Variants in CSMD1 observed in about 807,000 individuals in gnomAD.
CSMD1 encodes the protein CUB and Sushi multiple domains 1, also known as CUB and sushi domain-containing protein 1.
CSMD1 carries 213 observed loss-of-function variants against 417.5 expected under a neutral mutation model. That is an observed-to-expected ratio of 0.51 (90% CI 0.46 to 0.57). The LOEUF (loss-of-function observed/expected upper bound fraction) is 0.57, where lower values mean the gene tolerates loss of function less well. CSMD1 is among the 20% of genes least tolerant of loss of function. CSMD1 has a pLI of 0.00. For synonymous variants in CSMD1, 2,862 were observed against 1,736.8 expected (o/e 1.65, Z -16.11); for missense variants, 6,923 against 4,529.7 (o/e 1.53, Z -15.17).
At chr8:4,020,013 G>A (rs980649594) in intron 4 of CSMD1, among the ~76,000 whole-genome samples, 4 of 151,900 alleles carry the variant, frequency 2.6e-5, no homozygotes, top group African/African-American at 9.7e-5. Flanking sequence ...TTCCGCTCTG[G>A]GCACTTAGTT....
rs112964620 is a variant in CSMD1, at chr8:3,490,531, G to A, written c.1448+3092C>T. Among the ~76,000 whole-genome samples, 19 of 152,214 alleles carry A rather than the reference G, an allele frequency of 1.2e-4. 1 individual carries two copies. Among genetic ancestry groups the A allele is most frequent in the African/African-American group, 3.4e-4 (14 of 41,518 alleles). On this transcript the variant is annotated intron_variant, in intron 11 of 69. Coordinates refer to ENST00000635120, the MANE Select transcript of CSMD1 (RefSeq NM_033225.6). ...AGGTGTTTTGGTAATAATAATACGT[G>A]TGGGTTACATTTTTCAGCTCTCCGG...
At chr8:3,904,231 A>G (rs1194788287) in intron 5 of CSMD1, among the ~76,000 whole-genome samples, 1 of 152,176 alleles carries the variant, frequency 6.6e-6, no homozygotes, top group Non-Finnish European at 1.5e-5. Flanking sequence ...TCAGGAGCTG[A>G]GTTAGGGTAG....
chr8:4,115,638 G>A (rs1379269950), intron 3 of CSMD1, among the ~76,000 whole-genome samples: 1 of 152,216 alleles, frequency 6.6e-6, no homozygotes, highest in East Asian at 1.9e-4. Context: ...TTACCTGAAT[G>A]TTTATATGTG....
intron 2 of CSMD1, among the ~76,000 whole-genome samples, chr8:4,613,943 T>A (rs1275244694): frequency 6.6e-6 from 1 of 152,058 alleles, no homozygotes; most frequent in African/African-American, 2.4e-5. Flanking sequence ...AGTTTTCTTT[T>A]GTATTGTGAA....
chr8:3,760,411 C>T (rs1797928021), intron 5 of CSMD1, among the ~76,000 whole-genome samples: 1 of 152,200 alleles, frequency 6.6e-6, no homozygotes, highest in Non-Finnish European at 1.5e-5. Context: ...ACGACGACCT[C>T]CTTTGAGCTT....
chr8:4,815,219 A>G, intron 1 of CSMD1, among the ~76,000 whole-genome samples: 1 of 152,078 alleles, frequency 6.6e-6, no homozygotes, highest in South Asian at 2.1e-4. Context: ...TTGTGGTTTC[A>G]TCAAATGATT....
At chr8:4,295,318 T>C (rs954710973) in intron 3 of CSMD1, among the ~76,000 whole-genome samples, 14 of 113,122 alleles carry the variant, frequency 1.2e-4, no homozygotes, top group African/African-American at 3.8e-4. Flanking sequence ...AATCTTAAGA[T>C]TATGCACATA....
intron 50 of CSMD1, among the ~76,000 whole-genome samples, chr8:3,030,818 G>C (rs1055457003): frequency 3.9e-5 from 6 of 152,032 alleles, no homozygotes; most frequent in Non-Finnish European, 8.8e-5. Context: ...TATTAGAATT[G>C]AGTCAGGCAT....
intron 4 of CSMD1, among the ~76,000 whole-genome samples, chr8:4,016,329 C>G (rs571547125): frequency 2.0e-4 from 31 of 152,244 alleles, no homozygotes; most frequent in African/African-American, 7.2e-4. Context: ...TAACTACTGA[C>G]CAACTGACTC....
chr8:3,096,986 C>G lies in CSMD1; in HGVS notation c.7001G>C (p.Ser2334Thr). The change falls in exon 47 of 70, where the codon AGT becomes ACT. Residue 2334 changes from serine to threonine, a missense_variant. Coordinates refer to ENST00000635120, the MANE Select transcript of CSMD1 (RefSeq NM_033225.6). ...AAAATAATTACCCGGATACCCTGGA[C>G]TGAGAATGACTCCCGATGATCCAGT... ...VRTGSSGVIL[S>T]PGYPGNYFNS... 6.4e-7 allele frequency: 1 copy of G among 1,555,966 alleles called. No individual in the cohort carries two copies. Among genetic ancestry groups the G allele is most frequent in the Non-Finnish European group, 8.7e-7 (1 of 1,148,910 alleles).
rs374432934 is a variant in CSMD1, at chr8:3,768,253, A to G, written c.819-14211T>C. 1.5e-4 allele frequency among the ~76,000 whole-genome samples: 23 copies of G among 152,296 alleles called. No individual in the cohort carries two copies. In the South Asian group the frequency reaches 4.8e-3, roughly 32 times the overall value. Reference sequence around the variant, plus strand: ...GCCAATGGCAACAAGGCGGAGACGTATTCCCGGGCCAAGTGAATATCATGA... The same window carrying G: ...GCCAATGGCAACAAGGCGGAGACGTGTTCCCGGGCCAAGTGAATATCATGA... On this transcript the variant is annotated intron_variant, in intron 5 of 69. Transcript: ENST00000635120.
At chr8:3,425,740 G>A (rs769498360) in intron 12 of CSMD1, among the ~76,000 whole-genome samples, 3 of 152,034 alleles carry the variant, frequency 2.0e-5, no homozygotes, top group Admixed American at 6.6e-5. Context: ...GGCTAGGTTC[G>A]GATACCCTTT....
At chr8:3,783,048 C>A (rs887679263) in intron 5 of CSMD1, among the ~76,000 whole-genome samples, 1 of 152,310 alleles carries the variant, frequency 6.6e-6, no homozygotes, top group Non-Finnish European at 1.5e-5. Context: ...TGTACTGACA[C>A]TTCCTACTGT....
intron 2 of CSMD1, among the ~76,000 whole-genome samples, chr8:4,591,045 G>C (rs1799958238): frequency 6.6e-6 from 1 of 152,162 alleles, no homozygotes; most frequent in Non-Finnish European, 1.5e-5. Context: ...TTTCTCTGAA[G>C]CCTGTGTTCT....
chr8:3,675,940 T>G (rs1269929143), intron 7 of CSMD1, among the ~76,000 whole-genome samples: 1 of 152,204 alleles, frequency 6.6e-6, no homozygotes, highest in African/African-American at 2.4e-5. Context: ...GTAATGTACC[T>G]GAGTATTATT....
chr8:3,394,038 A>ATATG (rs1811534677), intron 17 of CSMD1, among the ~76,000 whole-genome samples: 1 of 129,192 alleles, frequency 7.7e-6, no homozygotes, highest in Non-Finnish European at 1.7e-5. Flanking sequence ...ATATATATAT[A>ATATG]TATATATATA....
chr8:3,225,536 GC>G (rs1798450728), intron 27 of CSMD1, among the ~76,000 whole-genome samples: 1 of 152,124 alleles, frequency 6.6e-6, no homozygotes, highest in African/African-American at 2.4e-5. Context: ...GGGAGCTGAT[GC>G]AGAGAAAGAA....
At chr8:3,216,043 C>G (rs1387424113) in intron 29 of CSMD1, among the ~76,000 whole-genome samples, 1 of 148,544 alleles carries the variant, frequency 6.7e-6, no homozygotes, top group South Asian at 2.1e-4. Context: ...TTGATTAAAT[C>G]TATATTAATA....
intron 5 of CSMD1, among the ~76,000 whole-genome samples, chr8:3,890,013 C>G (rs184248186): frequency 1.6e-3 from 246 of 152,174 alleles, no homozygotes; most frequent in Middle Eastern, 3.4e-3. Flanking sequence ...GAGATCCCTT[C>G]TCAAAAAATA....
Sources: allele counts gnomAD v4.1 joint callset (sites outside exome capture counted in the v4.1 genomes callset), GRCh38; gene constraint gnomAD v4.1.1; transcripts MANE v1.5; gene names NCBI Gene and HGNC (gene_info 2026-07-23, HGNC 2026-07-21).